DHTKD1: variants seen among roughly 807,000 people sequenced by gnomAD.
DHTKD1 encodes the protein dehydrogenase E1 and transketolase domain containing 1.
DHTKD1 carries 78 observed loss-of-function variants against 101.8 expected under a neutral mutation model. That is an observed-to-expected ratio of 0.77 (90% CI 0.64 to 0.93). DHTKD1 has a LOEUF of 0.93. Ranked by LOEUF, DHTKD1 falls within the 40% of genes least tolerant of loss-of-function variation. DHTKD1 has a pLI of 0.00. For missense variants in DHTKD1, 1,223 were observed against 1,161.7 expected, an observed-to-expected ratio of 1.05 and a Z score of -0.77; for synonymous variants, 462 against 450.3, an observed-to-expected ratio of 1.03 and a Z score of -0.33.
chr10:12,117,143 C>T (rs1318436747), intron 13 of DHTKD1, among the ~76,000 whole-genome samples: 1 of 152,016 alleles, frequency 6.6e-6, no homozygotes, highest in African/African-American at 2.4e-5. Flanking sequence ...GCTGGGATTA[C>T]AGACACCCGC....
intron 1 of DHTKD1, among the ~76,000 whole-genome samples, chr10:12,074,041 A>C (rs1260356724): frequency 6.6e-6 from 1 of 152,206 alleles, no homozygotes; most frequent in African/African-American, 2.4e-5. Flanking sequence ...TTAAACATCA[A>C]ATCTAATTCC....
chr10:12,095,622 A>G (rs1015885886), intron 7 of DHTKD1, among the ~76,000 whole-genome samples: 7 of 151,830 alleles, frequency 4.6e-5, no homozygotes, highest in African/African-American at 1.7e-4. Flanking sequence ...GACCATCCTG[A>G]CTAACACGGT....
intron 2 of DHTKD1, among the ~76,000 whole-genome samples, chr10:12,084,032 C>T (rs185159371): frequency 3.3e-5 from 5 of 151,826 alleles, no homozygotes; most frequent in African/African-American, 9.7e-5. Flanking sequence ...AAGCAATTGT[C>T]CTGCCTCAGC....
Position 12,094,066 on chromosome 10 carries a change from C to T in DHTKD1, c.1160-7C>T, listed in dbSNP as rs773175080. On this transcript the variant is annotated splice_polypyrimidine_tract_variant and splice_region_variant and intron_variant, in intron 6 of 16. Transcript: ENST00000263035. ...GTCCTGTTTCGGCTTGGTCTTCTGT[C>T]CTTCAGGGAAGCTTGTGGGCTGTGC... The T allele has an allele frequency of 9.9e-6, 16 of 1,612,518 alleles. No homozygotes were observed. The highest frequency in any genetic ancestry group is 1.4e-5 in the Non-Finnish European group (16 of 1,178,880).
At chr10:12,083,767 A>G (rs1313830405) in intron 2 of DHTKD1, among the ~76,000 whole-genome samples, 1 of 152,168 alleles carries the variant, frequency 6.6e-6, no homozygotes, top group Admixed American at 6.5e-5. Flanking sequence ...TACTGTAGAA[A>G]CAAAACTTGG....
At chr10:12,115,011 G>A (rs1487142521) in intron 13 of DHTKD1, among the ~76,000 whole-genome samples, 1 of 151,776 alleles carries the variant, frequency 6.6e-6, no homozygotes, top group African/African-American at 2.4e-5. Flanking sequence ...TAGCCAGGAT[G>A]GTCTCGATCT....
At chr10:12,076,553 C>T (rs1021884974) in intron 1 of DHTKD1, among the ~76,000 whole-genome samples, 3 of 152,134 alleles carry the variant, frequency 2.0e-5, no homozygotes, top group African/African-American at 7.2e-5. Flanking sequence ...GCAAATCTGC[C>T]TGGGTGTGAT....
chr10:12,120,339 C>CTTTTTTTT lies in DHTKD1; in HGVS notation c.2658+77_2658+84dup, dbSNP rs539793101. ...TTGTTTTTCTTTTCTTTCTTTCTTTCTTTTTTTTTTTTGAGACAGAGTCTC... is the reference window on the plus strand; with the variant it reads ...TTGTTTTTCTTTTCTTTCTTTCTTTCTTTTTTTTTTTTTTTTTTTTGAGACAGAGTCTC... On this transcript the variant is annotated intron_variant, in intron 16 of 16. Transcript: ENST00000263035. 2.1e-5 allele frequency: 22 copies of CTTTTTTTT among 1,065,792 alleles called. No homozygotes were observed. The African/African-American group carries it at 3.4e-4, about 17-fold the overall frequency. The allele number at this position is 1,065,792 out of a possible 1,614,324, so 66.0% of individuals were successfully genotyped here. A position where few individuals can be genotyped will look rare whatever the true frequency, so the allele number is the denominator to read the frequency against.
chr10:12,092,770 T>A (rs925189595), intron 6 of DHTKD1, among the ~76,000 whole-genome samples: 3 of 151,892 alleles, frequency 2.0e-5, no homozygotes, highest in African/African-American at 7.3e-5. Context: ...GCCATTGCAC[T>A]ACAGCGTGGG....
At chr10:12,081,928 C>G (rs567945968) in intron 2 of DHTKD1, among the ~76,000 whole-genome samples, 19 of 150,968 alleles carry the variant, frequency 1.3e-4, no homozygotes, top group African/African-American at 4.4e-4. Context: ...GAGTTTGAGA[C>G]CAACCTGGGC....
At chr10:12,076,711 C>T (rs1321677505) in intron 1 of DHTKD1, among the ~76,000 whole-genome samples, 1 of 151,584 alleles carries the variant, frequency 6.6e-6, no homozygotes, top group Non-Finnish European at 1.5e-5. Context: ...CAGGCTGGAG[C>T]GCGGTGACGC....
Position 12,120,806 on chromosome 10 carries a change from C to G in DHTKD1, c.2678C>G (p.Pro893Arg), listed in dbSNP as rs774342608. The G allele has an allele frequency of 1.2e-6, 2 of 1,614,124 alleles. No individual in the cohort carries two copies. Among genetic ancestry groups the G allele is most frequent in the Non-Finnish European group, 1.7e-6 (2 of 1,179,996 alleles). ...TTATAGCTCCGTCTGGTGGGCCGGC[C>G]CCCTTTGCCAGTACCCGCTGTAGGA... The part of the protein sequence containing the change: ...LACKLRLVGR[P>R]PLPVPAVGIG... Residue 893 changes from proline to arginine, a missense_variant, in exon 17 of 17, where the codon CCC becomes CGC. Pro to Arg is a moderately radical substitution (Grantham distance 103). Coordinates refer to ENST00000263035, the MANE Select transcript of DHTKD1 (RefSeq NM_018706.7).
rs376488113 is a variant in DHTKD1 at position 12,100,225 on chromosome 10, C to G, written c.1719C>G (p.Thr573=). ...ACGGAATCAAGCTAGACTGGGCCACCGCGGAAGCTCTTGCCTTGGGTTCTT... is the reference window on the plus strand; with the variant it reads ...ACGGAATCAAGCTAGACTGGGCCACGGCGGAAGCTCTTGCCTTGGGTTCTT... ...MMDGIKLDWA[T]AEALALGSLL... The change falls in exon 9 of 17, where the codon ACC becomes ACG. Residue 573 remains threonine (T), a synonymous_variant. Coordinates refer to ENST00000263035, the MANE Select transcript of DHTKD1 (RefSeq NM_018706.7). The G allele has an allele frequency of 4.4e-6, 7 of 1,582,414 alleles. No homozygotes were observed. In the South Asian group the frequency reaches 8.0e-5, roughly 18 times the overall value.
chr10:12,095,508 T>C lies in DHTKD1; in HGVS notation c.1358+1237T>C, dbSNP rs994030526. 4.0e-5 allele frequency among the ~76,000 whole-genome samples: 6 copies of C among 151,310 alleles called. 1 individual carries two copies. Among genetic ancestry groups the C allele is most frequent in the African/African-American group, 1.2e-4 (5 of 41,232 alleles). On this transcript the variant is annotated intron_variant, in intron 7 of 16. Coordinates refer to ENST00000263035, the MANE Select transcript of DHTKD1 (RefSeq NM_018706.7). Reference sequence around the variant, plus strand: ...GCCTGGCCAACATGGTGAAACCCCATCTCTACTAAAAATAGAAAAATTTGG... The same window carrying C: ...GCCTGGCCAACATGGTGAAACCCCACCTCTACTAAAAATAGAAAAATTTGG...
intron 9 of DHTKD1, among the ~76,000 whole-genome samples, chr10:12,100,501 G>C (rs1444264942): frequency 1.3e-5 from 2 of 151,524 alleles, no homozygotes; most frequent in African/African-American, 4.8e-5. Flanking sequence ...TTGACCTCGT[G>C]TTCCACCCGC....
intron 16 of DHTKD1, among the ~76,000 whole-genome samples, chr10:12,120,529 G>C (rs534593344): frequency 1.3e-5 from 2 of 151,846 alleles, no homozygotes; most frequent in Non-Finnish European, 2.9e-5. Flanking sequence ...GTAGAGACGG[G>C]GTTTCACCAT....
intron 1 of DHTKD1, among the ~76,000 whole-genome samples, chr10:12,081,173 C>A (rs191667739): frequency 1.6e-4 from 23 of 148,026 alleles, no homozygotes; most frequent in African/African-American, 5.3e-4. Context: ...ACTTGGGAGG[C>A]TGAGGCAGGA....
At chr10:12,112,537 T>C (rs1564398034) in intron 12 of DHTKD1, among the ~76,000 whole-genome samples, 1 of 151,502 alleles carries the variant, frequency 6.6e-6, no homozygotes, top group Non-Finnish European at 1.5e-5. Context: ...CACAATCGTT[T>C]TATTACATTA....
chr10:12,069,164 AGGGCGCCCT>A lies in DHTKD1; in HGVS notation c.134_142del (p.Gly45_Leu47del). The A allele has an allele frequency of 6.4e-7, 1 of 1,564,048 alleles. No homozygotes were observed. Among genetic ancestry groups the A allele is most frequent in the Non-Finnish European group, 8.7e-7 (1 of 1,155,710 alleles). ...AGGAAGCCCGAGAGCCGCGAGCCCC[AGGGCGCCCT>A]GGAGCGCCCCCCAGGTCGGGGATGG... On this transcript the variant is annotated inframe_deletion, in exon 1 of 17. Coordinates refer to ENST00000263035, the MANE Select transcript of DHTKD1 (RefSeq NM_018706.7).
Sources: allele counts gnomAD v4.1 joint callset (sites outside exome capture counted in the v4.1 genomes callset), GRCh38; gene constraint gnomAD v4.1.1; transcripts MANE v1.5; gene names NCBI Gene and HGNC (gene_info 2026-07-23, HGNC 2026-07-21).